Variants in FUT9 observed in about 807,000 individuals in gnomAD.
The protein encoded by FUT9 is 4-galactosyl-N-acetylglucosaminide 3-alpha-L-fucosyltransferase 9.
In FUT9, 15 loss-of-function variants were observed where a neutral mutation model predicts 29.7. The observed-to-expected ratio is 0.51, with a 90% CI of 0.34 to 0.78. The LOEUF (loss-of-function observed/expected upper bound fraction) is 0.78, where lower values mean the gene tolerates loss of function less well. FUT9 is among the 30% of genes least tolerant of loss of function. The pLI, the probability that FUT9 is intolerant of heterozygous loss-of-function variation, is 0.01. For missense variants in FUT9, 319 were observed against 425.4 expected (o/e 0.75, Z 2.20); for synonymous variants, 169 against 153.7 (o/e 1.10, Z -0.74).
At chr6:96,193,960 A>C (rs2127989423) in intron 2 of FUT9, among the ~76,000 whole-genome samples, 1 of 152,294 alleles carries the variant, frequency 6.6e-6, no homozygotes, top group South Asian at 2.1e-4. Context: ...AGGGCGAAAA[A>C]CCAAACACTG....
chr6:96,180,940 A>AG (rs1477179629), intron 2 of FUT9, among the ~76,000 whole-genome samples: 2 of 151,622 alleles, frequency 1.3e-5, no homozygotes, highest in Non-Finnish European at 2.9e-5. Flanking sequence ...TAAAAGAAAA[A>AG]AAAAAGAAAA....
intron 2 of FUT9, among the ~76,000 whole-genome samples, chr6:96,174,197 C>T (rs1374857265): frequency 1.3e-5 from 2 of 152,016 alleles, no homozygotes; most frequent in Non-Finnish European, 2.9e-5. Context: ...AAACTTTTCA[C>T]CACTCCTGTA....
intron 2 of FUT9, among the ~76,000 whole-genome samples, chr6:96,172,272 G>T (rs942752285): frequency 1.3e-5 from 2 of 152,272 alleles, no homozygotes; most frequent in Non-Finnish European, 2.9e-5. Context: ...ATATAAATTT[G>T]GGAGAGCGGG....
At chr6:96,025,301 A>T (rs1458544808) in intron 1 of FUT9, among the ~76,000 whole-genome samples, 1 of 151,734 alleles carries the variant, frequency 6.6e-6, no homozygotes, top group African/African-American at 2.4e-5. Context: ...CATTTAGAGG[A>T]AAATTCTGGC....
intron 2 of FUT9, among the ~76,000 whole-genome samples, chr6:96,154,728 A>G (rs1470933826): frequency 6.6e-6 from 1 of 152,342 alleles, no homozygotes; most frequent in South Asian, 2.1e-4. Flanking sequence ...CCAATTATAA[A>G]AAGAATGTCT....
intron 2 of FUT9, among the ~76,000 whole-genome samples, chr6:96,149,179 G>T (rs201394342): frequency 2.3e-5 from 3 of 132,846 alleles, no homozygotes; most frequent in Non-Finnish European, 3.4e-5. Context: ...AATTTTTTTT[G>T]AACTACTTGA....
At chr6:96,184,868 C>G (rs1385180613) in intron 2 of FUT9, among the ~76,000 whole-genome samples, 1 of 151,994 alleles carries the variant, frequency 6.6e-6, no homozygotes, top group Non-Finnish European at 1.5e-5. Context: ...GTGACATTCC[C>G]TAGTGAGCCA....
At chr6:96,201,618 G>A (rs959977218) in intron 2 of FUT9, among the ~76,000 whole-genome samples, 1 of 151,804 alleles carries the variant, frequency 6.6e-6, no homozygotes, top group African/African-American at 2.4e-5. Context: ...AACCTTCAGT[G>A]TCATTTAATG....
chr6:96,095,901 A>T (rs561577285), intron 1 of FUT9, among the ~76,000 whole-genome samples: 1 of 152,254 alleles, frequency 6.6e-6, no homozygotes, highest in Non-Finnish European at 1.5e-5. Context: ...GGATTATAGC[A>T]GTACCTCAGT....
At chr6:96,167,791 T>A (rs996591277) in intron 2 of FUT9, among the ~76,000 whole-genome samples, 1 of 151,824 alleles carries the variant, frequency 6.6e-6, no homozygotes. Flanking sequence ...GAGAGAAGAG[T>A]GCTCCAGGTA....
chr6:96,211,044 C>T lies in FUT9; in HGVS notation c.*6809C>T, dbSNP rs1773927457. 1 of 166,802 alleles carries T rather than the reference C, an allele frequency of 6.0e-6. No individual in the cohort carries two copies. The highest frequency in any genetic ancestry group is 1.5e-5 in the Non-Finnish European group (1 of 67,996). The allele number at this position is 166,802 out of a possible 1,614,324, so 10.3% of individuals were successfully genotyped here. A position where few individuals can be genotyped will look rare whatever the true frequency, so the allele number is the denominator to read the frequency against. Reference sequence around the variant, plus strand: ...TTTTCACAATTTTAATTCTAAAACTCTGAAGACATTAAACAGGCAGTTTGT... The same window carrying T: ...TTTTCACAATTTTAATTCTAAAACTTTGAAGACATTAAACAGGCAGTTTGT... On this transcript the variant is annotated 3_prime_UTR_variant, in exon 3 of 3. Coordinates refer to ENST00000302103, the MANE Select transcript of FUT9 (RefSeq NM_006581.4).
intron 1 of FUT9, among the ~76,000 whole-genome samples, chr6:96,110,826 T>TTTATTTATTTAC (rs1771792276): frequency 4.0e-5 from 6 of 151,414 alleles, no homozygotes; most frequent in Admixed American, 3.3e-4. Context: ...TATTTATTTA[T>TTTATTTATTTAC]TTATTTATTT....
chr6:96,181,154 G>A (rs774541677), intron 2 of FUT9, among the ~76,000 whole-genome samples: 3 of 151,940 alleles, frequency 2.0e-5, no homozygotes, highest in Admixed American at 6.6e-5. Flanking sequence ...TTTCAAAATC[G>A]TATACAATAA....
intron 2 of FUT9, among the ~76,000 whole-genome samples, chr6:96,153,806 AT>A (rs147944860): frequency 0.16 from 24,100 of 152,196 alleles, 2,114 homozygotes; most frequent in African/African-American, 0.19. Flanking sequence ...ATTTAAAAAA[AT>A]TAGAATGTCT....
chr6:96,137,904 A>C (rs1421602885), intron 2 of FUT9, among the ~76,000 whole-genome samples: 5 of 152,106 alleles, frequency 3.3e-5, no homozygotes, highest in Non-Finnish European at 7.4e-5. Context: ...TCTGAAATTA[A>C]GAGTTTATTT....
chr6:96,064,397 C>T (rs944176216), intron 1 of FUT9, among the ~76,000 whole-genome samples: 2 of 151,932 alleles, frequency 1.3e-5, no homozygotes, highest in African/African-American at 4.8e-5. Flanking sequence ...CATTCATCAC[C>T]CCATACTGGC....
chr6:96,157,017 T>G (rs1772798065), intron 2 of FUT9, among the ~76,000 whole-genome samples: 1 of 152,206 alleles, frequency 6.6e-6, no homozygotes, highest in Admixed American at 6.5e-5. Flanking sequence ...TGGTTCTTTG[T>G]TAGATGAAAG....
At chr6:96,077,518 G>C (rs1028301355) in intron 1 of FUT9, among the ~76,000 whole-genome samples, 1 of 151,736 alleles carries the variant, frequency 6.6e-6, no homozygotes, top group Non-Finnish European at 1.5e-5. Flanking sequence ...GTAATCTATC[G>C]GCTTCTTCCC....
At chr6:96,093,618 A>G (rs74841326) in intron 1 of FUT9, among the ~76,000 whole-genome samples, 3,387 of 152,266 alleles carry the variant, frequency 0.022, 64 homozygotes, top group East Asian at 0.078. Context: ...TGCAACAAAA[A>G]TTAGAATTTA....
Sources: gnomAD v4.1 joint callset for allele counts (sites outside exome capture counted in the v4.1 genomes callset) on GRCh38, gnomAD v4.1.1 for gene constraint, MANE v1.5 for transcripts, NCBI Gene and HGNC (gene_info 2026-07-23, HGNC 2026-07-21) for gene names.